Variants in THSD7B observed in about 807,000 individuals in gnomAD.
THSD7B encodes thrombospondin type 1 domain containing 7B.
In THSD7B, 138 loss-of-function variants were observed where a neutral mutation model predicts 213.6. The observed-to-expected ratio is 0.65, with a 90% CI of 0.56 to 0.74. The LOEUF is 0.74. THSD7B is among the 30% of genes least tolerant of loss of function. The pLI is 0.00. For missense variants in THSD7B, 1,931 were observed against 1,991.5 expected (o/e 0.97, Z 0.58); for synonymous variants, 742 against 687.0 (o/e 1.08, Z -1.25).
At chr2:136,878,210 G>A (rs371561926) in intron 1 of THSD7B, among the ~76,000 whole-genome samples, 2 of 152,084 alleles carry the variant, frequency 1.3e-5, no homozygotes, top group Non-Finnish European at 2.9e-5. Context: ...TGAGAATGAT[G>A]GTTTCCAGCT....
chr2:137,555,994 A>C (rs1190789600), intron 15 of THSD7B, among the ~76,000 whole-genome samples: 3 of 152,222 alleles, frequency 2.0e-5, no homozygotes, highest in Admixed American at 2.0e-4. Flanking sequence ...GTTTAGAGAA[A>C]GAAGAGAAAA....
intron 25 of THSD7B, 35 bp from the exon 26 acceptor site, chr2:137,663,348 A>T (rs757556236): frequency 6.8e-7 from 1 of 1,466,814 alleles, no homozygotes; most frequent in Admixed American, 2.6e-5. Context: ...TGTTCAACTC[A>T]CTGTGTAACC....
intron 2 of THSD7B, among the ~76,000 whole-genome samples, chr2:137,026,757 C>A (rs1404083974): frequency 6.6e-6 from 1 of 152,138 alleles, no homozygotes; most frequent in African/African-American, 2.4e-5. Flanking sequence ...TTAGCCAAGT[C>A]TATTTGTTTA....
chr2:137,454,464 ATCTATCTATC>A (rs1184132970), intron 15 of THSD7B, among the ~76,000 whole-genome samples: 3 of 150,650 alleles, frequency 2.0e-5, no homozygotes, highest in Admixed American at 6.6e-5. Context: ...CTATCTATCT[ATCTATCTATC>A]TATGTGTGTG....
At position 137,593,076 on chromosome 2, in the gene THSD7B, G is replaced by A. The variant is rs561659043; in HGVS notation, c.3423+20520G>A. ...TCAACATAATGCCTTTGAGATGTCT[G>A]CATGTTGTTGAGCAGATCAGTAGTT... On this transcript the variant is annotated intron_variant, in intron 17 of 27. Transcript: ENST00000409968. Among the ~76,000 whole-genome samples, 8 of 152,028 alleles carry A rather than the reference G, an allele frequency of 5.3e-5. No homozygotes were observed. In the East Asian group the frequency reaches 9.7e-4, roughly 18 times the overall value.
intron 20 of THSD7B, among the ~76,000 whole-genome samples, chr2:137,634,829 A>G (rs758170879): frequency 6.6e-6 from 1 of 152,192 alleles, no homozygotes; most frequent in Admixed American, 6.5e-5. Context: ...TGGAGCCTCA[A>G]GAGGGAAGTT....
rs542943083 is a variant in THSD7B, at chr2:137,109,709, C to T, written c.1200-5415C>T. Among the ~76,000 whole-genome samples, 220 of 152,110 alleles carry T rather than the reference C, an allele frequency of 1.4e-3. 1 individual carries two copies. The highest frequency in any genetic ancestry group is 5.1e-3 in the African/African-American group (211 of 41,472). On this transcript the variant is annotated intron_variant, in intron 4 of 27. Transcript: ENST00000409968. ...TCTAACAGGAGGCAGAGCTCGGTGG[C>T]AATGTGAGTGATGGGGAGTGGCTGT...
chr2:137,070,413 A>T (rs1687457879), intron 3 of THSD7B, among the ~76,000 whole-genome samples: 2 of 152,044 alleles, frequency 1.3e-5, no homozygotes, highest in Admixed American at 1.3e-4. Flanking sequence ...TTCAATGTAC[A>T]ATCTACTGCA....
chr2:137,597,369 G>C (rs541745862), intron 17 of THSD7B, among the ~76,000 whole-genome samples: 31 of 151,504 alleles, frequency 2.0e-4, no homozygotes, highest in African/African-American at 6.1e-4. Context: ...AGGATTCTTT[G>C]TGTTTAAATG....
At chr2:137,596,328 A>AT in intron 17 of THSD7B, among the ~76,000 whole-genome samples, 1 of 152,200 alleles carries the variant, frequency 6.6e-6, no homozygotes, top group South Asian at 2.1e-4. Context: ...TTAAGGAATT[A>AT]TTTTTGTGTT....
At chr2:136,872,511 C>T (rs374848561) in intron 1 of THSD7B, among the ~76,000 whole-genome samples, 6 of 152,018 alleles carry the variant, frequency 3.9e-5, no homozygotes, top group Admixed American at 1.3e-4. Flanking sequence ...AATCTGAGAA[C>T]GTGATCTTTT....
chr2:137,238,284 T>C (rs574273734), intron 9 of THSD7B, among the ~76,000 whole-genome samples: 2 of 152,264 alleles, frequency 1.3e-5, no homozygotes, highest in Non-Finnish European at 2.9e-5. Flanking sequence ...TGGGAACCCT[T>C]GTGACTCCTG....
At chr2:136,806,462 A>G (rs1682282961) in intron 1 of THSD7B, among the ~76,000 whole-genome samples, 1 of 152,272 alleles carries the variant, frequency 6.6e-6, no homozygotes, top group East Asian at 1.9e-4. Flanking sequence ...CATTTAGGAT[A>G]CTTAATAAAT....
chr2:136,832,171 C>G (rs1261838103), intron 1 of THSD7B, among the ~76,000 whole-genome samples: 1 of 100,112 alleles, frequency 1.0e-5, no homozygotes, highest in African/African-American at 3.5e-5. Context: ...GGATATACAT[C>G]CTATTGTGTG....
At chr2:137,250,800 A>C (rs1027543441) in intron 10 of THSD7B, among the ~76,000 whole-genome samples, 2 of 152,182 alleles carry the variant, frequency 1.3e-5, no homozygotes, top group African/African-American at 4.8e-5. Flanking sequence ...GGAAGAAGGC[A>C]AGAAAAGTCT....
intron 2 of THSD7B, among the ~76,000 whole-genome samples, chr2:137,013,835 A>C (rs1489909341): frequency 6.6e-6 from 1 of 152,208 alleles, no homozygotes; most frequent in Non-Finnish European, 1.5e-5. Flanking sequence ...ATTAGAAATT[A>C]AGATTTTTAG....
intron 5 of THSD7B, among the ~76,000 whole-genome samples, chr2:137,143,185 GATCTTTTTCTTTTGTGAATACCTACCTC>G (rs1341367420): frequency 6.6e-6 from 1 of 152,102 alleles, no homozygotes; most frequent in Non-Finnish European, 1.5e-5. Flanking sequence ...ACACGTGCCT[GATCTTTTTCTTTTGTGAATACCTACCTC>G]ATACACAATT....
intron 20 of THSD7B, among the ~76,000 whole-genome samples, chr2:137,621,018 A>C (rs1573747991): frequency 6.6e-6 from 1 of 152,362 alleles, no homozygotes; most frequent in African/African-American, 2.4e-5. Context: ...TGTTGGCCTC[A>C]GTGGTTTTTG....
At chr2:136,918,728 G>A (rs749422683) in intron 2 of THSD7B, among the ~76,000 whole-genome samples, 9 of 152,298 alleles carry the variant, frequency 5.9e-5, no homozygotes, top group Non-Finnish European at 1.0e-4. Flanking sequence ...CCTATGTCAG[G>A]AAGCAATCTG....
Sources: gnomAD v4.1 joint callset for allele counts (sites outside exome capture counted in the v4.1 genomes callset) on GRCh38, gnomAD v4.1.1 for gene constraint, MANE v1.5 for transcripts, NCBI Gene and HGNC (gene_info 2026-07-23, HGNC 2026-07-21) for gene names.